TAFA1: variants seen among roughly 807,000 people sequenced by gnomAD.
The protein encoded by TAFA1 is chemokine-like protein TAFA-1.
Under a neutral mutation model 18.5 loss-of-function variants are expected in TAFA1, and 4 were observed. The ratio of observed to expected loss-of-function variants is 0.22; its 90% CI spans 0.11 to 0.49. The LOEUF (loss-of-function observed/expected upper bound fraction) is 0.49. TAFA1 is among the 20% of genes least tolerant of loss of function. The pLI is 0.98. For missense variants in TAFA1, 147 were observed against 169.0 expected (o/e 0.87, Z 0.72); for synonymous variants, 56 against 55.2 (o/e 1.01, Z -0.06).
At chr3:68,076,178 T>C (rs983315764) in intron 2 of TAFA1, among the ~76,000 whole-genome samples, 1 of 152,128 alleles carries the variant, frequency 6.6e-6, no homozygotes, top group Non-Finnish European at 1.5e-5. Context: ...TTTTTACTTG[T>C]GGTGTAGTGG....
At chr3:68,390,266 C>G (rs2070204413) in intron 2 of TAFA1, among the ~76,000 whole-genome samples, 2 of 151,946 alleles carry the variant, frequency 1.3e-5, no homozygotes, top group South Asian at 2.1e-4. Context: ...GAGCTCACCA[C>G]AGAACCACAA....
chr3:68,154,504 G>A (rs1009626798), intron 2 of TAFA1, among the ~76,000 whole-genome samples: 4 of 152,160 alleles, frequency 2.6e-5, no homozygotes, highest in Non-Finnish European at 5.9e-5. Flanking sequence ...GCAAAGTGGA[G>A]CCTCTTTAGC....
chr3:68,284,009 C>T (rs1013526750), intron 2 of TAFA1, among the ~76,000 whole-genome samples: 1 of 152,300 alleles, frequency 6.6e-6, no homozygotes, highest in South Asian at 2.1e-4. Context: ...CCTGTTGCTC[C>T]TTATGATGTT....
rs116084361 is a variant in TAFA1 at position 68,124,327 on chromosome 3, G to A, written c.118+117583G>A. 6.9e-3 allele frequency among the ~76,000 whole-genome samples: 1,053 copies of A among 152,218 alleles called. 11 individuals carry two copies. Among genetic ancestry groups the A allele is most frequent in the African/African-American group, 0.024 (1,012 of 41,534 alleles). On this transcript the variant is annotated intron_variant, in intron 2 of 4. Coordinates refer to ENST00000478136, the MANE Select transcript of TAFA1 (RefSeq NM_213609.4). ...AGCTTTTTGTCACTCTGTACTTTCT[G>A]AGAAAACTTCCTGGCTAATATGGGA...
intron 3 of TAFA1, among the ~76,000 whole-genome samples, chr3:68,507,987 A>C (rs2072788046): frequency 6.6e-6 from 1 of 152,156 alleles, no homozygotes; most frequent in Admixed American, 6.6e-5. Flanking sequence ...TAACAAAATA[A>C]CCATAGACTG....
upstream of TAFA1, among the ~76,000 whole-genome samples, chr3:68,003,296 C>T (rs1203303478): frequency 2.0e-5 from 3 of 152,186 alleles, no homozygotes; most frequent in Non-Finnish European, 4.4e-5. Context: ...ATTGGACCTT[C>T]TTTATTGTGC....
At chr3:68,151,429 G>A (rs904770803) in intron 2 of TAFA1, among the ~76,000 whole-genome samples, 5 of 152,062 alleles carry the variant, frequency 3.3e-5, no homozygotes, top group Admixed American at 1.3e-4. Flanking sequence ...AGTTTGCTTT[G>A]TGTTGCTGTA....
At chr3:68,001,115 T>A (rs995091176), upstream of TAFA1, among the ~76,000 whole-genome samples, 1 of 152,198 alleles carries the variant, frequency 6.6e-6, no homozygotes, top group Non-Finnish European at 1.5e-5. Flanking sequence ...TATAAAAATA[T>A]ACATGTATTG....
At chr3:68,435,267 G>C (rs1043562404) in intron 3 of TAFA1, among the ~76,000 whole-genome samples, 4 of 152,072 alleles carry the variant, frequency 2.6e-5, no homozygotes, top group Non-Finnish European at 4.4e-5. Context: ...TGAATCCAAG[G>C]AGCTGCAAGA....
intron 2 of TAFA1, among the ~76,000 whole-genome samples, chr3:68,014,222 A>G (rs921828701): frequency 2.0e-5 from 3 of 152,226 alleles, no homozygotes; most frequent in Non-Finnish European, 4.4e-5. Context: ...GCTAATACAC[A>G]GGCAGGGGGT....
intron 2 of TAFA1, among the ~76,000 whole-genome samples, chr3:68,214,859 T>C (rs114538327): frequency 0.016 from 2,462 of 152,106 alleles, 76 homozygotes; most frequent in African/African-American, 0.056. Flanking sequence ...TCAATTTTTT[T>C]TAAGTGGGAA....
chr3:68,482,684 T>C (rs145791700), intron 3 of TAFA1, among the ~76,000 whole-genome samples: 171 of 152,324 alleles, frequency 1.1e-3, no homozygotes, highest in Middle Eastern at 6.8e-3. Context: ...TAGAACTGTC[T>C]ATGGACTTCA....
chr3:68,391,062 C>T (rs535080473), intron 2 of TAFA1, among the ~76,000 whole-genome samples: 1 of 152,186 alleles, frequency 6.6e-6, no homozygotes, highest in Non-Finnish European at 1.5e-5. Context: ...CAAAAATCCT[C>T]TGAGCTAAAG....
At chr3:68,498,991 C>A (rs2072605748) in intron 3 of TAFA1, among the ~76,000 whole-genome samples, 1 of 151,964 alleles carries the variant, frequency 6.6e-6, no homozygotes, top group Admixed American at 6.6e-5. Context: ...AGTAAATTTT[C>A]TCTCTCCTAC....
chr3:68,348,708 G>A (rs73101104), intron 2 of TAFA1, among the ~76,000 whole-genome samples: 3,611 of 152,142 alleles, frequency 0.024, 70 homozygotes, highest in Middle Eastern at 0.071. Flanking sequence ...TTCAATCAAA[G>A]TTTCTTTATG....
intron 2 of TAFA1, among the ~76,000 whole-genome samples, chr3:68,416,384 G>A (rs1161135196): frequency 6.6e-6 from 1 of 152,096 alleles, no homozygotes; most frequent in African/African-American, 2.4e-5. Context: ...GTGAATTTTT[G>A]CCAACTGCAT....
intron 2 of TAFA1, among the ~76,000 whole-genome samples, chr3:68,382,175 G>T (rs896016309): frequency 6.6e-6 from 1 of 152,102 alleles, no homozygotes; most frequent in African/African-American, 2.4e-5. Flanking sequence ...GCTGGATTCG[G>T]TTTGCCAGTA....
intron 2 of TAFA1, among the ~76,000 whole-genome samples, chr3:68,067,781 A>G (rs1054353827): frequency 2.0e-5 from 3 of 151,632 alleles, no homozygotes; most frequent in South Asian, 2.1e-4. Flanking sequence ...CTTCAATTCA[A>G]CAAACATTTA....
chr3:68,141,988 T>G (rs946878580), intron 2 of TAFA1, among the ~76,000 whole-genome samples: 1 of 152,178 alleles, frequency 6.6e-6, no homozygotes, highest in African/African-American at 2.4e-5. Context: ...GCACTTGGCA[T>G]GTTGTGAATC....
Sources: allele counts gnomAD v4.1 joint callset (sites outside exome capture counted in the v4.1 genomes callset), GRCh38; gene constraint gnomAD v4.1.1; transcripts MANE v1.5; gene names NCBI Gene and HGNC (gene_info 2026-07-23, HGNC 2026-07-21).